GLCE: variants seen among roughly 807,000 people sequenced by gnomAD.
GLCE encodes the protein glucuronic acid epimerase, also known as D-glucuronyl C5-epimerase.
GLCE carries 19 observed loss-of-function variants against 47.9 expected under a neutral mutation model. The ratio of observed to expected loss-of-function variants is 0.40; its 90% confidence interval spans 0.28 to 0.58. GLCE has a LOEUF of 0.58. Among genes scored for constraint, GLCE ranks in the 20% least tolerant of loss-of-function variants. The pLI is 0.48. For synonymous variants in GLCE, 245 were observed against 263.4 expected, an observed-to-expected ratio of 0.93 and a Z score of 0.68; for missense variants, 556 against 743.3, an observed-to-expected ratio of 0.75 and a Z score of 2.93.
chr15:69,217,515 C>G (rs916372655), intron 2 of GLCE, among the ~76,000 whole-genome samples: 1 of 152,030 alleles, frequency 6.6e-6, no homozygotes, highest in African/African-American at 2.4e-5. Flanking sequence ...TAGCAGCCTA[C>G]TTCCTTGTTT....
At chr15:69,214,283 T>G (rs1952511845) in intron 2 of GLCE, among the ~76,000 whole-genome samples, 1 of 152,150 alleles carries the variant, frequency 6.6e-6, no homozygotes, top group South Asian at 2.1e-4. Context: ...ATATCTCATC[T>G]TGAATTATAA....
chr15:69,267,692 T>C (rs542246665), intron 4 of GLCE, among the ~76,000 whole-genome samples: 13 of 152,320 alleles, frequency 8.5e-5, no homozygotes, highest in African/African-American at 2.6e-4. Flanking sequence ...GCACCTACCC[T>C]TGTAATTGTT....
chr15:69,255,915 A>G lies in GLCE; in HGVS notation c.109A>G (p.Ile37Val). Residue 37 changes from isoleucine (I) to valine (V), a missense_variant, in exon 3 of 5, where the codon ATC (isoleucine) becomes GTC (valine). Ile to Val is a conservative substitution (Grantham distance 29). Around this residue, in one of 3 missense-constraint regions of GLCE, gnomAD observed 237 missense variants for 310.9 expected, o/e 0.76. Transcript: ENST00000261858. Reference sequence around the variant, plus strand: ...GAATAAGTGTTCCAGTGACAAAGCAATCCAGTTTCCACGGCGTTCGAGTAG... The same window carrying G: ...GAATAAGTGTTCCAGTGACAAAGCAGTCCAGTTTCCACGGCGTTCGAGTAG... ...LWNKCSSDKA[I>V]QFPRRSSSGF... 14 of 1,614,074 alleles carry G rather than the reference A, an allele frequency of 8.7e-6. No homozygotes were observed. Among genetic ancestry groups the G allele is most frequent in the East Asian group, 2.2e-5 (1 of 44,874 alleles).
intron 2 of GLCE, among the ~76,000 whole-genome samples, chr15:69,226,980 G>C (rs1015611647): frequency 6.6e-6 from 1 of 151,860 alleles, no homozygotes; most frequent in Non-Finnish European, 1.5e-5. Flanking sequence ...CCTGACCTCA[G>C]ATGATCCACC....
chr15:69,242,499 G>A (rs1207539953), intron 2 of GLCE, among the ~76,000 whole-genome samples: 1 of 151,968 alleles, frequency 6.6e-6, no homozygotes, highest in Admixed American at 6.6e-5. Context: ...TAGATATATA[G>A]TAATACTAAG....
chr15:69,252,176 C>T (rs1194789144), intron 2 of GLCE, among the ~76,000 whole-genome samples: 4 of 152,084 alleles, frequency 2.6e-5, no homozygotes, highest in African/African-American at 7.2e-5. Flanking sequence ...ATTTTCCCAT[C>T]GTGTGCTTCA....
chr15:69,178,638 T>C (rs948997808), intron 1 of GLCE, among the ~76,000 whole-genome samples: 1 of 152,108 alleles, frequency 6.6e-6, no homozygotes, highest in African/African-American at 2.4e-5. Flanking sequence ...GATTATCAGA[T>C]TGACAAGGAT....
intron 1 of GLCE, among the ~76,000 whole-genome samples, chr15:69,183,632 G>A (rs1163721520): frequency 6.6e-6 from 1 of 152,232 alleles, no homozygotes; most frequent in African/African-American, 2.4e-5. Flanking sequence ...AAACAATTGT[G>A]TATCAGTCTG....
At chr15:69,227,404 A>G (rs1354675366) in intron 2 of GLCE, among the ~76,000 whole-genome samples, 3 of 152,204 alleles carry the variant, frequency 2.0e-5, no homozygotes, top group Non-Finnish European at 4.4e-5. Context: ...TTCAATGAAG[A>G]GCTGATACTA....
At chr15:69,174,632 AAAAC>A (rs553283835) in intron 1 of GLCE, among the ~76,000 whole-genome samples, 104 of 151,176 alleles carry the variant, frequency 6.9e-4, no homozygotes, top group Middle Eastern at 3.4e-3. Flanking sequence ...AAAACAAAAC[AAAAC>A]AAACAAACAA....
chr15:69,187,167 T>C (rs995033024), intron 1 of GLCE, among the ~76,000 whole-genome samples: 1 of 152,204 alleles, frequency 6.6e-6, no homozygotes, highest in African/African-American at 2.4e-5. Flanking sequence ...TGAAACTGGG[T>C]ATATATGCTT....
rs369559183 is a variant in GLCE at position 69,198,321 on chromosome 15, A to G, written c.-104-11995A>G. Reference sequence around the variant, plus strand: ...GCCTATATTAGTTACCCATTGTTGCATAACAAATTACTTTAAAACATAGCC... The same window carrying G: ...GCCTATATTAGTTACCCATTGTTGCGTAACAAATTACTTTAAAACATAGCC... On this transcript the variant is annotated intron_variant, in intron 1 of 4. Transcript: ENST00000261858. 2.0e-4 allele frequency among the ~76,000 whole-genome samples: 31 copies of G among 152,282 alleles called. No homozygotes were observed. In the East Asian group the frequency reaches 5.4e-3, roughly 27 times the overall value.
chr15:69,254,372 C>T (rs1486221577), intron 2 of GLCE, among the ~76,000 whole-genome samples: 2 of 152,178 alleles, frequency 1.3e-5, no homozygotes, highest in African/African-American at 2.4e-5. Flanking sequence ...AACAGCATCA[C>T]ATTTTCCTCC....
intron 1 of GLCE, among the ~76,000 whole-genome samples, chr15:69,181,348 G>C (rs1409944848): frequency 6.6e-6 from 1 of 152,184 alleles, no homozygotes; most frequent in Non-Finnish European, 1.5e-5. Context: ...TTCACTAAGG[G>C]AGTAAGCATA....
intron 1 of GLCE, among the ~76,000 whole-genome samples, chr15:69,161,377 G>T (rs2051417667): frequency 6.6e-6 from 1 of 152,034 alleles, no homozygotes; most frequent in African/African-American, 2.4e-5. Context: ...CGCTGGGGCC[G>T]GGGCCGCCTT....
intron 2 of GLCE, among the ~76,000 whole-genome samples, chr15:69,236,093 G>A (rs925287583): frequency 2.0e-5 from 3 of 152,208 alleles, no homozygotes; most frequent in Non-Finnish European, 4.4e-5. Flanking sequence ...ATTCATCTAT[G>A]TTGTGGCAGG....
intron 1 of GLCE, among the ~76,000 whole-genome samples, chr15:69,208,647 T>G (rs1237970482): frequency 6.6e-6 from 1 of 152,074 alleles, no homozygotes; most frequent in Non-Finnish European, 1.5e-5. Flanking sequence ...TCAGCTTGTC[T>G]ATAACTACAA....
Position 69,165,983 on chromosome 15 carries a change from G to T in GLCE, c.-105+5226G>T, listed in dbSNP as rs150123562. On this transcript the variant is annotated intron_variant, in intron 1 of 4. Transcript: ENST00000261858. ...ACTTCTCGCACTTTAAGAGGTGATG[G>T]TTACACTGTTAAACTTGCAGAAAAG... Among the ~76,000 whole-genome samples, 109 of 152,312 alleles carry T rather than the reference G, an allele frequency of 7.2e-4. No individual in the cohort carries two copies. In the South Asian group the frequency reaches 7.3e-3, roughly 10 times the overall value.
intron 2 of GLCE, among the ~76,000 whole-genome samples, chr15:69,235,341 CAT>C (rs1469191124): frequency 1.9e-4 from 28 of 144,368 alleles, no homozygotes; most frequent in African/African-American, 7.6e-4. Flanking sequence ...CTCCTGACCT[CAT>C]GTGATCTGCC....
Sources: gnomAD v4.1 joint callset for allele counts (sites outside exome capture counted in the v4.1 genomes callset) on GRCh38, gnomAD v4.1.1 for gene constraint, gnomAD v4.1.1 regional missense constraint, MANE v1.5 for transcripts, NCBI Gene and HGNC (gene_info 2026-07-23, HGNC 2026-07-21) for gene names.